WWC2: variants seen among roughly 807,000 people sequenced by gnomAD.
The protein encoded by WWC2 is WW and C2 domain containing 2, also known as protein WWC2.
WWC2 carries 101 observed loss-of-function variants against 138.5 expected under a neutral mutation model. That is an observed-to-expected ratio of 0.73 (90% confidence interval 0.62 to 0.86). The LOEUF is 0.86. Ranked by LOEUF, WWC2 falls within the 40% of genes least tolerant of loss-of-function variation. The pLI is 0.00. For synonymous variants in WWC2, 558 were observed against 538.4 expected (o/e 1.04, Z -0.50); for missense variants, 1,420 against 1,419.4 (o/e 1.00, Z -0.01).
At chr4:183,268,778 A>G (rs981652062) in intron 14 of WWC2, among the ~76,000 whole-genome samples, 193 bp from the exon 15 acceptor site, 1 of 152,170 alleles carries the variant, frequency 6.6e-6, no homozygotes, top group African/African-American at 2.4e-5. Context: ...TCAGGGGCGT[A>G]GTCAGCTCGG....
intron 4 of WWC2, among the ~76,000 whole-genome samples, chr4:183,223,849 G>A (rs1260107653): frequency 1.3e-5 from 2 of 152,108 alleles, no homozygotes; most frequent in African/African-American, 4.8e-5. Context: ...TCCTGCCTCA[G>A]CCTCCTGAGT....
chr4:183,124,115 A>G (rs1470998574), intron 1 of WWC2, among the ~76,000 whole-genome samples: 1 of 152,202 alleles, frequency 6.6e-6, no homozygotes, highest in Non-Finnish European at 1.5e-5. Flanking sequence ...GTTCTTCTAG[A>G]TAGCCATATA....
chr4:183,161,291 C>G (rs541309594), intron 1 of WWC2, among the ~76,000 whole-genome samples: 1 of 152,264 alleles, frequency 6.6e-6, no homozygotes, highest in South Asian at 2.1e-4. Flanking sequence ...ATTAATCCAG[C>G]CAGTGAACCA....
intron 4 of WWC2, among the ~76,000 whole-genome samples, chr4:183,224,959 C>A (rs73870373): frequency 0.075 from 11,424 of 152,232 alleles, 1,447 homozygotes; most frequent in African/African-American, 0.26. Context: ...TGATCCACAA[C>A]TTTTCCTATC....
Position 183,284,261 on chromosome 4 carries a change from T to C in WWC2, c.2919T>C (p.Asn973=). The change falls in exon 19 of 23, where the codon AAT becomes AAC. Residue 973 remains asparagine, a synonymous_variant. Coordinates refer to ENST00000403733, the MANE Select transcript of WWC2 (RefSeq NM_024949.6). ...DKETNTDEAA[N]DNMAVRPKER... ...AGACAAACACTGATGAAGCCGCTAA[T>C]GACAATATGGCAGTTCGCCCCAAAG... is the stretch of plus-strand genomic sequence containing the variant. 1 of 1,613,996 alleles carries C rather than the reference T, an allele frequency of 6.2e-7. No individual in the cohort carries two copies. The highest frequency in any genetic ancestry group is 8.5e-7 in the Non-Finnish European group (1 of 1,179,868).
At chr4:183,125,629 A>ATTAT (rs1269663526) in intron 1 of WWC2, among the ~76,000 whole-genome samples, 2 of 152,190 alleles carry the variant, frequency 1.3e-5, no homozygotes, top group Non-Finnish European at 2.9e-5. Flanking sequence ...TCCCCATATA[A>ATTAT]CATTAAGCCC....
intron 2 of WWC2, among the ~76,000 whole-genome samples, chr4:183,200,287 G>C (rs867987680): frequency 6.6e-6 from 1 of 152,076 alleles, no homozygotes; most frequent in African/African-American, 2.4e-5. Flanking sequence ...GAAATATACC[G>C]TGTCCCCAAG....
chr4:183,114,679 T>C (rs1732355391), intron 1 of WWC2, among the ~76,000 whole-genome samples: 1 of 151,874 alleles, frequency 6.6e-6, no homozygotes, highest in Non-Finnish European at 1.5e-5. Flanking sequence ...TTTTTTTTTT[T>C]CTTCCAACGT....
chr4:183,145,891 T>G (rs1015623306), intron 1 of WWC2, among the ~76,000 whole-genome samples: 6 of 152,340 alleles, frequency 3.9e-5, no homozygotes, highest in African/African-American at 1.4e-4. Context: ...CCTTCATCTC[T>G]TATACTTGTT....
intron 1 of WWC2, among the ~76,000 whole-genome samples, chr4:183,191,762 C>G (rs1734998957): frequency 6.6e-6 from 1 of 151,588 alleles, no homozygotes; most frequent in South Asian, 2.1e-4. Context: ...GGGTCTTGCT[C>G]TGTTGCCCAG....
At chr4:183,305,252 C>T (rs964506446) in intron 21 of WWC2, among the ~76,000 whole-genome samples, 2 of 152,030 alleles carry the variant, frequency 1.3e-5, no homozygotes, top group African/African-American at 2.4e-5. Flanking sequence ...AGGAACAGAA[C>T]ATCCAAGAAC....
At chr4:183,231,838 A>G (rs1216442597) in intron 4 of WWC2, among the ~76,000 whole-genome samples, 1 of 152,128 alleles carries the variant, frequency 6.6e-6, no homozygotes, top group Non-Finnish European at 1.5e-5. Context: ...GCAGTTCTGA[A>G]TAGGTGTTCA....
intron 4 of WWC2, among the ~76,000 whole-genome samples, chr4:183,234,660 C>T (rs1378891005): frequency 2.0e-5 from 3 of 152,032 alleles, no homozygotes; most frequent in African/African-American, 4.8e-5. Flanking sequence ...TACCTTTCCT[C>T]TTTAGGTCCC....
intron 1 of WWC2, among the ~76,000 whole-genome samples, chr4:183,114,222 G>A (rs1442530324): frequency 6.6e-6 from 1 of 152,114 alleles, no homozygotes; most frequent in Non-Finnish European, 1.5e-5. Context: ...CTGGCCATAT[G>A]ATGTGCCTGC....
In WWC2 at chr4:183,312,484, C is replaced by T; in HGVS notation, c.3512+16C>T. On this transcript the variant is annotated intron_variant, in intron 22 of 22. Transcript: ENST00000403733. ...AGTCCTTCAGGTGAATAGCCCCATC[C>T]AGGACAGCTTTTGGGTTGCCCTCAC... 6.2e-7 allele frequency: 1 copy of T among 1,612,830 alleles called. No individual in the cohort carries two copies. Among genetic ancestry groups the T allele is most frequent in the Non-Finnish European group, 8.5e-7 (1 of 1,179,198 alleles).
intron 4 of WWC2, among the ~76,000 whole-genome samples, chr4:183,235,038 A>G (rs750485683): frequency 1.1e-4 from 16 of 152,212 alleles, no homozygotes; most frequent in Non-Finnish European, 2.2e-4. Context: ...CAAAACAACT[A>G]GAAATAATGT....
intron 8 of WWC2, among the ~76,000 whole-genome samples, chr4:183,250,365 TGAG>T (rs1203855914): frequency 2.6e-5 from 4 of 152,204 alleles, no homozygotes; most frequent in Admixed American, 6.5e-5. Flanking sequence ...AAATAGCTGT[TGAG>T]GAGTTCTAAG....
Position 183,315,717 on chromosome 4 carries a change from T to A in WWC2, c.3567T>A (p.Ala1189=). ...AGATAAGCATCCCATCCCTGCCAGC[T>A]GATGATGTGTGATTACATGACTTAA... ...RAKISIPSLP[A]DDV is the part of the protein sequence containing the mutation. Residue 1189 remains alanine (A), a synonymous_variant, in exon 23 of 23, where the codon GCT becomes GCA. Transcript: ENST00000403733. 1 of 1,612,374 alleles carries A rather than the reference T, an allele frequency of 6.2e-7. No homozygotes were observed. The highest frequency in any genetic ancestry group is 8.5e-7 in the Non-Finnish European group (1 of 1,178,642).
At chr4:183,223,199 A>G (rs1001517472) in intron 4 of WWC2, among the ~76,000 whole-genome samples, 3 of 152,214 alleles carry the variant, frequency 2.0e-5, no homozygotes, top group Admixed American at 1.3e-4. Context: ...ACAATAGGCT[A>G]TGCCAAGTGG....
Sources: gnomAD v4.1 joint callset for allele counts (sites outside exome capture counted in the v4.1 genomes callset) on GRCh38, gnomAD v4.1.1 for gene constraint, MANE v1.5 for transcripts, NCBI Gene and HGNC (gene_info 2026-07-23, HGNC 2026-07-21) for gene names.